The following RYR1 variants were observed in gnomAD, a reference collection of about 807,000 sequenced individuals.
RYR1 encodes the protein ryanodine receptor 1, also known as central core disease of muscle.
A neutral mutation model predicts 583.5 loss-of-function variants in RYR1; 342 were observed. The observed-to-expected ratio is 0.59, with a 90% CI of 0.54 to 0.64. RYR1 has a LOEUF of 0.64. RYR1 is among the 30% of genes least tolerant of loss of function. The probability of loss-of-function intolerance (pLI) is 0.00; values close to 1 mark genes in which losing one functional copy is unlikely to be tolerated. For missense variants in RYR1, 6,032 were observed against 6,917.2 expected, an observed-to-expected ratio of 0.87 and a Z score of 4.54; for synonymous variants, 2,791 against 2,822.5, an observed-to-expected ratio of 0.99 and a Z score of 0.35.
chr19:38,514,405 C>CGAGTA (rs1568524154), intron 63 of RYR1, among the ~76,000 whole-genome samples: 1 of 151,680 alleles, frequency 6.6e-6, no homozygotes, highest in Non-Finnish European at 1.5e-5. Flanking sequence ...CTCAGCCCCC[C>CGAGTA]GAGTAGCTGG....
At chr19:38,577,256 G>A (rs4801804) in intron 97 of RYR1, among the ~76,000 whole-genome samples, 5,263 of 152,136 alleles carry the variant, frequency 0.035, 182 homozygotes, top group East Asian at 0.1. Context: ...GTAATAATAC[G>A]GCCAACCCTA....
intron 13 of RYR1, 83 bp downstream of exon 13, chr19:38,453,097 G>T: frequency 6.9e-7 from 1 of 1,457,244 alleles, no homozygotes; most frequent in African/African-American, 1.4e-5. Flanking sequence ...CGCTGGGCGG[G>T]GCAGGGCCTG....
chr19:38,530,194 T>G (rs1413356720), intron 76 of RYR1, among the ~76,000 whole-genome samples: 2 of 152,146 alleles, frequency 1.3e-5, no homozygotes, highest in African/African-American at 4.8e-5. Flanking sequence ...CCTCAAGTGA[T>G]CTTCCCGCCT....
chr19:38,510,368 C>A (rs1568518767), intron 58 of RYR1, 130 bp from the exon 59 acceptor site: 1 of 895,312 alleles, frequency 1.1e-6, no homozygotes, highest in Admixed American at 2.1e-5. Flanking sequence ...TCAAAGCCAA[C>A]ACAAATGACT....
intron 48 of RYR1, 24 bp downstream of exon 48, chr19:38,502,751 T>TGGGGCAGGGGCC: frequency 9.6e-7 from 1 of 1,045,444 alleles, no homozygotes; most frequent in Non-Finnish European, 1.3e-6. Context: ...GGCTTCAGGG[T>TGGGGCAGGGGCC]GGGGCAGGGG....
chr19:38,522,973 G>A, intron 67 of RYR1, 55 bp from the exon 68 acceptor site: 2 of 1,395,752 alleles, frequency 1.4e-6, no homozygotes, highest in South Asian at 1.2e-5. Flanking sequence ...TCTCTGGGCA[G>A]CCCCCTTCCC....
intron 90 of RYR1, among the ~76,000 whole-genome samples, chr19:38,563,775 T>C (rs796912422): frequency 1.3e-5 from 2 of 152,304 alleles, no homozygotes; most frequent in African/African-American, 4.8e-5. Context: ...TGCAGAGCCT[T>C]TGCCTTTAAG....
chr19:38,546,379 G>A (rs1972424776), intron 87 of RYR1, 66 bp from the exon 88 acceptor site: 4 of 1,405,532 alleles, frequency 2.8e-6, no homozygotes, highest in Non-Finnish European at 4.0e-6. Context: ...GGTGAGGAGG[G>A]GGAGAAGCAA....
intron 94 of RYR1, among the ~76,000 whole-genome samples, chr19:38,571,440 C>T (rs2145867643): frequency 6.6e-6 from 1 of 152,228 alleles, no homozygotes; most frequent in African/African-American, 2.4e-5. Context: ...TCAAGACCAG[C>T]CTGGCCACAT....
Position 38,572,148 on chromosome 19 carries a change from G to A in RYR1, c.13876G>A (p.Glu4626Lys), listed in dbSNP as rs1427346219. Residue 4626 changes from glutamate (E) to lysine (K), a missense_variant, in exon 95 of 106, where the codon GAG becomes AAG. Glu to Lys is a moderately conservative substitution (Grantham distance 56). Transcript: ENST00000359596. ...AGEEAEGDED[E>K]NMVYYFLEES... The stretch of plus-strand genomic sequence containing the variant: ...AGAGGAGGCAGAGGGCGATGAGGAT[G>A]AGAACATGGTGTACTACTTCCTGGA... The A allele has an allele frequency of 1.2e-6, 2 of 1,613,984 alleles. No individual in the cohort carries two copies. The highest frequency in any genetic ancestry group is 1.7e-5 in the Admixed American group (1 of 60,000).
At position 38,516,052 on chromosome 19, in the gene RYR1, G is replaced by A. The variant is rs1221411859; in HGVS notation, c.9555-35G>A. On this transcript the variant is annotated intron_variant, in intron 64 of 105. Coordinates refer to ENST00000359596, the MANE Select transcript of RYR1 (RefSeq NM_000540.3). ...TGGGACCCAGGACCCCAAAGAGGGG[G>A]ACACGTGGCAGCTAAACACAGCCCC... 6.5e-6 allele frequency: 10 copies of A among 1,540,440 alleles called. No individual in the cohort carries two copies. In the Admixed American group the frequency reaches 1.4e-4, roughly 21 times the overall value.
chr19:38,498,444 C>T (rs1478656035), intron 42 of RYR1, among the ~76,000 whole-genome samples: 3 of 151,966 alleles, frequency 2.0e-5, no homozygotes, highest in Non-Finnish European at 2.9e-5. Flanking sequence ...GGGTCTGGAT[C>T]CAGGCCCAAA....
chr19:38,466,458 A>C, intron 24 of RYR1, 60 bp downstream of exon 24: 1 of 1,397,730 alleles, frequency 7.2e-7, no homozygotes, highest in Non-Finnish European at 9.8e-7. Context: ...CCCAGCCCCG[A>C]TCCCTGATCT....
rs781134651 is a variant in RYR1 at position 38,499,807 on chromosome 19, C to T, written c.7200C>T (p.Asp2400=). ...GGGATGGCCCAGGCATCCGCAGGGA[C>T]CGGCGGCGCGAGCAGTGAGTCTCCC... ...PARDGPGIRR[D]RRREHFGEEP... Residue 2400 remains aspartate (D), a synonymous_variant, in exon 44 of 106, where the codon GAC becomes GAT. Coordinates refer to ENST00000359596, the MANE Select transcript of RYR1 (RefSeq NM_000540.3). This position sits in a 1 kb window ranked among gnomAD's most constrained non-coding sequence, Gnocchi z 7.3. 1.9e-6 allele frequency: 3 copies of T among 1,605,050 alleles called. No individual in the cohort carries two copies. Among genetic ancestry groups the T allele is most frequent in the Non-Finnish European group, 2.5e-6 (3 of 1,179,102 alleles).
chr19:38,541,372 T>C lies in RYR1; in HGVS notation c.11690-1975T>C, dbSNP rs140380826. 5.0e-4 allele frequency among the ~76,000 whole-genome samples: 76 copies of C among 152,266 alleles called. 1 individual carries two copies. The highest frequency in any genetic ancestry group is 2.9e-3 in the Admixed American group (44 of 15,290). ...CAATGTGAAACTTCTCTTTCGGGAATAGGTGAATATAATTTCAGATTGAAC... is the reference window on the plus strand; with the variant it reads ...CAATGTGAAACTTCTCTTTCGGGAACAGGTGAATATAATTTCAGATTGAAC... On this transcript the variant is annotated intron_variant, in intron 84 of 105. Coordinates refer to ENST00000359596, the MANE Select transcript of RYR1 (RefSeq NM_000540.3).
chr19:38,461,795 C>T (rs1400851792), intron 20 of RYR1, among the ~76,000 whole-genome samples: 1 of 149,400 alleles, frequency 6.7e-6, no homozygotes, highest in Non-Finnish European at 1.5e-5. Flanking sequence ...TGGCTCATGC[C>T]TGTAATCTCA....
chr19:38,489,029 G>C, intron 34 of RYR1, 148 bp from the exon 35 acceptor site: 1 of 761,846 alleles, frequency 1.3e-6, no homozygotes, highest in South Asian at 1.5e-5. Context: ...GCAAGGCGGG[G>C]GATGCCATTC....
rs1284319625 is a variant in RYR1, at chr19:38,521,579, A to T, written c.10260-1449A>T. On this transcript the variant is annotated intron_variant, in intron 67 of 105. Coordinates refer to ENST00000359596, the MANE Select transcript of RYR1 (RefSeq NM_000540.3). ...CGCATACCTGTAGTCCCAGCTAAGT[A>T]CTCCTGAGTGGGAGGCTGAGGCAGG... 4.0e-5 allele frequency among the ~76,000 whole-genome samples: 6 copies of T among 149,012 alleles called. No individual in the cohort carries two copies. In the East Asian group the frequency reaches 1.2e-3, roughly 30 times the overall value.
At chr19:38,491,434 C>CTT (rs112294433) in intron 37 of RYR1, among the ~76,000 whole-genome samples, 1,813 of 136,172 alleles carry the variant, frequency 0.013, 27 homozygotes, top group South Asian at 0.039. Flanking sequence ...TTTCATTTTG[C>CTT]TTTTTTTTTT....
Sources: gnomAD v4.1 joint callset for allele counts (sites outside exome capture counted in the v4.1 genomes callset) on GRCh38, gnomAD v4.1.1 for gene constraint, Gnocchi (gnomAD v3.1) non-coding constraint, MANE v1.5 for transcripts, NCBI Gene and HGNC (gene_info 2026-07-23, HGNC 2026-07-21) for gene names.